Variants in LY75 observed in about 807,000 individuals in gnomAD.
The protein encoded by LY75 is C-type lectin domain family 13 member B.
LY75 carries 185 observed loss-of-function variants against 231.7 expected under a neutral mutation model. The observed-to-expected ratio is 0.80, with a 90% CI of 0.71 to 0.90. LY75 has a LOEUF of 0.90. LY75 is among the 40% of genes least tolerant of loss of function. LY75 has a pLI of 0.00. For synonymous variants in LY75, 668 were observed against 689.0 expected (o/e 0.97, Z 0.48); for missense variants, 1,947 against 2,050.2 (o/e 0.95, Z 0.97).
intron 7 of LY75, among the ~76,000 whole-genome samples, 162 bp downstream of exon 7, chr2:159,881,962 C>A (rs1685449503): frequency 2.6e-5 from 4 of 152,198 alleles, no homozygotes. Context: ...GACCACCATA[C>A]TAGACCAATT....
At chr2:159,879,470 T>C in intron 8 of LY75, 101 bp from the exon 9 acceptor site, 1 of 1,469,996 alleles carries the variant, frequency 6.8e-7, no homozygotes, top group Non-Finnish European at 9.2e-7. Flanking sequence ...GAGAGAGAAA[T>C]GAATATAAGT....
At chr2:159,883,473 C>T (rs1212016539) in intron 6 of LY75, among the ~76,000 whole-genome samples, 1 of 152,030 alleles carries the variant, frequency 6.6e-6, no homozygotes, top group Non-Finnish European at 1.5e-5. Context: ...CATAATGGAA[C>T]TTAATGCAAT....
In LY75 at chr2:159,853,349, T is replaced by G. The variant is rs1432384442; in HGVS notation, c.2667A>C (p.Ser889=). The change falls in exon 20 of 35, where the codon TCA becomes TCC. Residue 889 remains serine (S), a synonymous_variant. Transcript: ENST00000263636. ...CAGGAAAGCGGTGCCATGGATATCG[T>G]GAGCTAAAAGAAAATGACAGATTTG... ...EWPIDDHFTY[S]RYPWHRFPVT... The G allele has an allele frequency of 2.5e-6, 4 of 1,613,016 alleles. No homozygotes were observed. The South Asian group carries it at 4.4e-5, about 18-fold the overall frequency.
At chr2:159,849,946 G>C in intron 23 of LY75, 34 bp downstream of exon 23, 1 of 1,601,684 alleles carries the variant, frequency 6.2e-7, no homozygotes, top group African/African-American at 1.3e-5. Context: ...ATTTCACAGA[G>C]GTATGAAGAG....
At chr2:159,831,992 T>G (rs1345788766) in intron 27 of LY75, among the ~76,000 whole-genome samples, 1 of 152,208 alleles carries the variant, frequency 6.6e-6, no homozygotes, top group Non-Finnish European at 1.5e-5. Flanking sequence ...GATGTTAAAT[T>G]TGGTCTTATG....
intron 28 of LY75, among the ~76,000 whole-genome samples, chr2:159,826,696 A>G (rs1412721516): frequency 1.3e-5 from 2 of 152,162 alleles, no homozygotes; most frequent in Non-Finnish European, 2.9e-5. Context: ...ATGCTACCTG[A>G]CTTCAAACTA....
intron 12 of LY75, 121 bp from the exon 13 acceptor site, chr2:159,872,714 G>T: frequency 1.7e-6 from 2 of 1,152,596 alleles, no homozygotes; most frequent in Non-Finnish European, 2.4e-6. Context: ...TGTAGTGAAG[G>T]CATAGGTAAA....
At chr2:159,824,905 C>A (rs1683411467) in intron 28 of LY75, among the ~76,000 whole-genome samples, 1 of 152,128 alleles carries the variant, frequency 6.6e-6, no homozygotes, top group South Asian at 2.1e-4. Context: ...TTCTTTGAAA[C>A]CAATGAGAAC....
intron 28 of LY75, among the ~76,000 whole-genome samples, chr2:159,820,697 T>G (rs1056372342): frequency 5.3e-5 from 8 of 152,198 alleles, no homozygotes; most frequent in African/African-American, 1.9e-4. Context: ...AAATATTATT[T>G]TCTCTTACAT....
chr2:159,892,419 T>C lies in LY75; in HGVS notation c.637+1495A>G, dbSNP rs114450674. ...ATTAGCTGTGTGATCTTAGGCAAGTTACATATCTCCCTTGTGCCTCACTGT... is the reference window on the plus strand; with the variant it reads ...ATTAGCTGTGTGATCTTAGGCAAGTCACATATCTCCCTTGTGCCTCACTGT... On this transcript the variant is annotated intron_variant, in intron 3 of 34. Coordinates refer to ENST00000263636, the MANE Select transcript of LY75 (RefSeq NM_002349.4). Among the ~76,000 whole-genome samples, 437 of 152,294 alleles carry C rather than the reference T, an allele frequency of 2.9e-3. 1 individual carries two copies. The highest frequency in any genetic ancestry group is 4.3e-3 in the Non-Finnish European group (294 of 68,018).
intron 23 of LY75, among the ~76,000 whole-genome samples, chr2:159,847,578 A>G (rs530404549): frequency 6.6e-6 from 1 of 152,198 alleles, no homozygotes; most frequent in East Asian, 1.9e-4. Flanking sequence ...TCACTTTTCT[A>G]AGGTGGGGCA....
chr2:159,896,745 G>A (rs1021650392), intron 2 of LY75, among the ~76,000 whole-genome samples: 2 of 152,122 alleles, frequency 1.3e-5, no homozygotes, highest in Admixed American at 6.6e-5. Context: ...TGGAAGAGGC[G>A]AGCCTGAAAC....
chr2:159,898,029 A>T (rs974436858), intron 2 of LY75, among the ~76,000 whole-genome samples: 5 of 152,362 alleles, frequency 3.3e-5, no homozygotes, highest in Admixed American at 3.3e-4. Flanking sequence ...AAAATAAATA[A>T]GAAAATCCAC....
At chr2:159,877,009 C>CAAAAAAAAAAAAAAAAAAA (rs58831835) in intron 11 of LY75, among the ~76,000 whole-genome samples, 5 of 90,548 alleles carry the variant, frequency 5.5e-5, no homozygotes, top group African/African-American at 8.7e-5. Flanking sequence ...AACTCCATCT[C>CAAAAAAAAAAAAAAAAAAA]AAAAAAAAAA....
In LY75 at chr2:159,875,510, G is replaced by T. The variant is rs756928520; in HGVS notation, c.1908C>A (p.Ser636=). 14 of 1,613,930 alleles carry T rather than the reference G, an allele frequency of 8.7e-6. No homozygotes were observed. The Admixed American group carries it at 2.3e-4, about 27-fold the overall frequency. Residue 636 remains serine, a synonymous_variant, in exon 12 of 35, where the codon TCC becomes TCA. Coordinates refer to ENST00000263636, the MANE Select transcript of LY75 (RefSeq NM_002349.4). ...CAGGACAGGGGTCATCAGGCTTAGG[G>T]GATGCTTCTTCAGGCCCAAGGGGTC... The part of the protein sequence containing the change: ...MSGPLGPEEA[S]PKPDDPCPEG...
At chr2:159,811,046 AT>A (rs942019111) in intron 31 of LY75, among the ~76,000 whole-genome samples, 2 of 151,744 alleles carry the variant, frequency 1.3e-5, no homozygotes, top group African/African-American at 4.8e-5. Context: ...GTTTATTATT[AT>A]TTTTTTTAGT....
At chr2:159,828,810 G>T (rs1032595035) in intron 28 of LY75, among the ~76,000 whole-genome samples, 1 of 152,116 alleles carries the variant, frequency 6.6e-6, no homozygotes, top group South Asian at 2.1e-4. Flanking sequence ...ATTTTATTCA[G>T]TCATAAAAAG....
chr2:159,884,563 TGACAGAGAAG>T (rs748014100), intron 6 of LY75, among the ~76,000 whole-genome samples: 11 of 152,160 alleles, frequency 7.2e-5, no homozygotes, highest in Non-Finnish European at 1.5e-4. Context: ...AAGACTTGCC[TGACAGAGAAG>T]GATAGAAGAG....
At position 159,835,589 on chromosome 2, in the gene LY75, A is replaced by G. The variant is rs1560073112; in HGVS notation, c.3564T>C (p.Ala1188=). 4 of 1,613,730 alleles carry G rather than the reference A, an allele frequency of 2.5e-6. No homozygotes were observed. Among genetic ancestry groups the G allele is most frequent in the Middle Eastern group, 1.6e-4 (1 of 6,082 alleles). Residue 1188 remains alanine, a synonymous_variant, in exon 26 of 35, where the codon GCT becomes GCC. Transcript: ENST00000263636. ...DGKRLHFSRW[A]ETNGQLEDCV... is the part of the protein sequence containing the mutation. Reference sequence around the variant, plus strand: ...AGTCTTCGAGTTGCCCATTAGTTTCAGCCCAGCGACTAAAATGAAGACGTT... The same window carrying G: ...AGTCTTCGAGTTGCCCATTAGTTTCGGCCCAGCGACTAAAATGAAGACGTT...
Sources: gnomAD v4.1 joint callset for allele counts (sites outside exome capture counted in the v4.1 genomes callset) on GRCh38, gnomAD v4.1.1 for gene constraint, MANE v1.5 for transcripts, NCBI Gene and HGNC (gene_info 2026-07-23, HGNC 2026-07-21) for gene names.